Variants in CHN2 observed in about 807,000 individuals in gnomAD.
CHN2 encodes chimerin 2, also known as beta-chimaerin.
In CHN2, 35 loss-of-function variants were observed where a neutral mutation model predicts 56.3. The observed-to-expected ratio is 0.62, with a 90% CI of 0.47 to 0.82. The LOEUF is 0.82. CHN2 is among the 40% of genes least tolerant of loss of function. The probability of loss-of-function intolerance (pLI) is 0.00; values close to 1 mark genes in which losing one functional copy is unlikely to be tolerated. For synonymous variants in CHN2, 210 were observed against 212.8 expected (o/e 0.99, Z 0.12); for missense variants, 491 against 580.5 (o/e 0.85, Z 1.58).
At chr7:29,232,837 G>A (rs1357546273) in intron 1 of CHN2, among the ~76,000 whole-genome samples, 1 of 152,072 alleles carries the variant, frequency 6.6e-6, no homozygotes, top group Non-Finnish European at 1.5e-5. Flanking sequence ...AGTTATTTTT[G>A]TGACAGACAT....
At chr7:29,449,118 G>A (rs192175134) in intron 6 of CHN2, among the ~76,000 whole-genome samples, 7 of 152,194 alleles carry the variant, frequency 4.6e-5, no homozygotes, top group African/African-American at 1.2e-4. Context: ...GTTATTTGCC[G>A]GCAAGTTAAA....
intron 1 of CHN2, among the ~76,000 whole-genome samples, chr7:29,252,586 T>TTTTTTTTTTTGTTTTG (rs1788689180): frequency 3.5e-5 from 1 of 28,938 alleles, no homozygotes; most frequent in Non-Finnish European, 5.6e-5. Flanking sequence ...TTGTTTTTTT[T>TTTTTTTTTTTGTTTTG]TTTTTTTTTT....
At chr7:29,238,768 A>G (rs1787407008) in intron 1 of CHN2, among the ~76,000 whole-genome samples, 1 of 152,178 alleles carries the variant, frequency 6.6e-6, no homozygotes, top group African/African-American at 2.4e-5. Flanking sequence ...GGGACTGGTT[A>G]GTGGATATCT....
At chr7:29,338,265 A>T (rs1358252758) in intron 1 of CHN2, among the ~76,000 whole-genome samples, 1 of 152,202 alleles carries the variant, frequency 6.6e-6, no homozygotes, top group Non-Finnish European at 1.5e-5. Context: ...GCAAGGCACC[A>T]TCCTCTGTGG....
At position 29,195,649 on chromosome 7, in the gene CHN2, T is replaced by TGTGTGTGTGAGA. The variant is rs1554358914; in HGVS notation, c.49+660_49+661insTGTGTGTGAGAG. 7.2e-4 allele frequency among the ~76,000 whole-genome samples: 94 copies of TGTGTGTGTGAGA among 130,702 alleles called. No individual in the cohort carries two copies. In the East Asian group the frequency reaches 0.02, roughly 27 times the overall value. 85.7% of individuals were successfully genotyped at this position (130,702 alleles called of 152,430 possible). On this transcript the variant is annotated intron_variant, in intron 1 of 12. Coordinates refer to ENST00000222792, the MANE Select transcript of CHN2 (RefSeq NM_004067.4). ...GAGAGAGTGTGTGTGTGTGTGTGTG[T>TGTGTGTGTGAGA]GAGAGAGAGAGAGAGAGAGACTCCT...
At position 29,195,349 on chromosome 7, in the gene CHN2, C is replaced by T. The variant is rs571999031; in HGVS notation, c.49+359C>T. 5.9e-5 allele frequency: 15 copies of T among 255,360 alleles called. No individual in the cohort carries two copies. The East Asian group carries it at 1.2e-3, about 21-fold the overall frequency. 15.8% of individuals were successfully genotyped at this position (255,360 alleles called of 1,614,324 possible). On this transcript the variant is annotated intron_variant, in intron 1 of 12. Transcript: ENST00000222792. ...CGGAGAAGGTTGGGGTGAAGCAGAG[C>T]GCCCCGACCTGTTTGCCGTGCCGCG...
intron 1 of CHN2, among the ~76,000 whole-genome samples, chr7:29,218,719 C>T (rs1785532575): frequency 6.7e-6 from 1 of 150,074 alleles, no homozygotes; most frequent in East Asian, 2.0e-4. Flanking sequence ...AACCAAACAC[C>T]GCATGTTCTC....
At chr7:29,401,416 AC>A (rs1449559716) in intron 6 of CHN2, 2 of 152,524 alleles carry the variant, frequency 1.3e-5, no homozygotes, top group African/African-American at 4.8e-5. Flanking sequence ...GAAAAAAAAA[AC>A]AAACCTCCAT....
In CHN2 at chr7:29,400,609, G is replaced by T; in HGVS notation, c.357G>T (p.Arg119Ser). 3 of 1,614,172 alleles carry T rather than the reference G, an allele frequency of 1.9e-6. No individual in the cohort carries two copies. The highest frequency in any genetic ancestry group is 2.5e-6 in the Non-Finnish European group (3 of 1,180,040). Reference sequence around the variant, plus strand: ...GGAAACACTTTGTGGGTGAGAAGAGGTTTGAGTCGATTCATGATCTGGTGA... The same window carrying T: ...GGAAACACTTTGTGGGTGAGAAGAGTTTTGAGTCGATTCATGATCTGGTGA... ...HDGKHFVGEK[R>S]FESIHDLVTD... The change falls in exon 6 of 13, where the codon AGG becomes AGT. Residue 119 changes from arginine to serine, a missense_variant. By Grantham distance (110) the Arg-to-Ser change is moderately radical (BLOSUM62 -1). Coordinates refer to ENST00000222792, the MANE Select transcript of CHN2 (RefSeq NM_004067.4).
At chr7:29,216,022 G>A (rs1465127598) in intron 1 of CHN2, among the ~76,000 whole-genome samples, 2 of 152,160 alleles carry the variant, frequency 1.3e-5, no homozygotes, top group African/African-American at 4.8e-5. Context: ...TGTAATGACT[G>A]GCAAGCTGTC....
intron 2 of CHN2, among the ~76,000 whole-genome samples, chr7:29,367,694 C>T (rs1799274341): frequency 1.3e-5 from 2 of 152,236 alleles, no homozygotes; most frequent in South Asian, 4.1e-4. Context: ...AATTATGAAA[C>T]TAAATTGGCC....
Position 29,499,868 on chromosome 7 carries a change from C to A in CHN2, c.741C>A (p.Asp247Glu). 1 of 1,584,480 alleles carries A rather than the reference C, an allele frequency of 6.3e-7. No individual in the cohort carries two copies. Among genetic ancestry groups the A allele is most frequent in the Non-Finnish European group, 8.6e-7 (1 of 1,167,914 alleles). The change falls in exon 9 of 13, where the codon GAC (aspartate) becomes GAA (glutamate). Residue 247 changes from aspartate (D) to glutamate (E), a missense_variant and splice_region_variant. Coordinates refer to ENST00000222792, the MANE Select transcript of CHN2 (RefSeq NM_004067.4). ...CTAATGTGGCTTCTTTGTTTACAGA[C>A]TGTGGATTGAACGTACACAAACAGT... ...GLIAQGVRCS[D>E]CGLNVHKQCS...
intron 3 of CHN2, among the ~76,000 whole-genome samples, chr7:29,370,245 T>A (rs1364611123): frequency 6.6e-6 from 1 of 152,194 alleles, no homozygotes; most frequent in Non-Finnish European, 1.5e-5. Flanking sequence ...TCTTGCATGA[T>A]GGTGAAACAG....
At chr7:29,406,958 G>A (rs1802703081) in intron 6 of CHN2, among the ~76,000 whole-genome samples, 1 of 152,286 alleles carries the variant, frequency 6.6e-6, no homozygotes, top group Non-Finnish European at 1.5e-5. Flanking sequence ...CTTTTAAAAT[G>A]TAACACATTG....
intron 1 of CHN2, among the ~76,000 whole-genome samples, chr7:29,308,297 T>G (rs112643209): frequency 1.2e-4 from 19 of 152,302 alleles, no homozygotes; most frequent in African/African-American, 4.3e-4. Context: ...ATACCCTTAT[T>G]CCAGATCTTC....
At chr7:29,427,306 G>A (rs1487324899) in intron 6 of CHN2, among the ~76,000 whole-genome samples, 2 of 152,134 alleles carry the variant, frequency 1.3e-5, no homozygotes, top group Non-Finnish European at 2.9e-5. Flanking sequence ...GATAGAGTAA[G>A]ACTGTCTCAA....
At chr7:29,189,345 T>C (rs1217519012) in intron 2 of CHN2, among the ~76,000 whole-genome samples, 2 of 152,104 alleles carry the variant, frequency 1.3e-5, no homozygotes, top group Non-Finnish European at 2.9e-5. Flanking sequence ...AATGAATGCT[T>C]GAATAAATGA....
chr7:29,292,991 C>T (rs1293999968), intron 1 of CHN2: 1 of 456,306 alleles, frequency 2.2e-6, no homozygotes, highest in African/African-American at 2.0e-5. Context: ...ACTCCTCCGT[C>T]TTTGCACTCA....
At chr7:29,313,530 G>A (rs1339143651) in intron 1 of CHN2, among the ~76,000 whole-genome samples, 1 of 152,156 alleles carries the variant, frequency 6.6e-6, no homozygotes, top group African/African-American at 2.4e-5. Flanking sequence ...ACAGTCCTCT[G>A]CTGAGCTCTC....
Sources: gnomAD v4.1 joint callset for allele counts (sites outside exome capture counted in the v4.1 genomes callset) on GRCh38, gnomAD v4.1.1 for gene constraint, MANE v1.5 for transcripts, NCBI Gene and HGNC (gene_info 2026-07-23, HGNC 2026-07-21) for gene names.